Variants in NOTCH2NLB observed in about 807,000 individuals in gnomAD.
NOTCH2NLB encodes notch 2 N-terminal like B, also known as notch homolog 2 N-terminal-like protein B.
NOTCH2NLB carries 1 observed loss-of-function variant against 14.8 expected under a neutral mutation model. The observed-to-expected ratio is 0.07, with a 90% CI of 0.02 to 0.32. The LOEUF is 0.32. NOTCH2NLB is among the 10% of genes least tolerant of loss of function. The pLI is 1.00. For missense variants in NOTCH2NLB, 11 were observed against 155.0 expected (o/e 0.07, Z 4.93); for synonymous variants, 6 against 57.5 (o/e 0.10, Z 4.05).
intron 1 of NOTCH2NLB, among the ~76,000 whole-genome samples, chr1:148,670,547 T>TATAC (rs1431059868): frequency 1.3e-4 from 15 of 111,738 alleles, no homozygotes; most frequent in African/African-American, 4.9e-4. Context: ...AAAATATATA[T>TATAC]ATATACATAT....
At chr1:148,673,817 C>T (rs1664800799) in intron 1 of NOTCH2NLB, among the ~76,000 whole-genome samples, 1 of 135,828 alleles carries the variant, frequency 7.4e-6, no homozygotes, top group South Asian at 2.7e-4. Context: ...AAAACAAACA[C>T]TTTGATTTCC....
intron 2 of NOTCH2NLB, among the ~76,000 whole-genome samples, chr1:148,638,788 A>T (rs1190055319): frequency 6.7e-6 from 1 of 148,720 alleles, no homozygotes; most frequent in Non-Finnish European, 1.5e-5. Flanking sequence ...ATCTCACTGG[A>T]AAAAAGTTGT....
At chr1:148,679,790 C>A (rs1664901317), upstream of NOTCH2NLB, 4 of 375,382 alleles carry the variant, frequency 1.1e-5, 1 homozygote, top group Non-Finnish European at 1.6e-5. Flanking sequence ...GTGTGTCCTT[C>A]CGCCTCAGCC....
At chr1:148,634,390 TC>T (rs1401384928) in intron 2 of NOTCH2NLB, among the ~76,000 whole-genome samples, 7 of 143,152 alleles carry the variant, frequency 4.9e-5, no homozygotes, top group Admixed American at 6.9e-5. Context: ...CCCCTGTGCC[TC>T]CCTGAATGCA....
intron 1 of NOTCH2NLB, among the ~76,000 whole-genome samples, chr1:148,670,538 AAAT>A (rs1281626708): frequency 1.4e-5 from 1 of 73,764 alleles, no homozygotes; most frequent in African/African-American, 6.7e-5. Context: ...CTAAAAAAAA[AAAT>A]ATATATATAT....
intron 3 of NOTCH2NLB, among the ~76,000 whole-genome samples, chr1:148,612,000 TTCC>T (rs1663709864): frequency 6.6e-6 from 1 of 151,722 alleles, no homozygotes. Context: ...GTTGGACTTC[TTCC>T]ATTGTGAAAA....
intron 1 of NOTCH2NLB, among the ~76,000 whole-genome samples, chr1:148,661,439 A>G (rs1664681582): frequency 1.3e-5 from 2 of 149,570 alleles, no homozygotes; most frequent in African/African-American, 4.9e-5. Context: ...TTAAAATATT[A>G]CCAAAGCCAT....
chr1:148,693,109 A>C, the NOTCH2NLB span, among the ~76,000 whole-genome samples: 168 of 64,638 alleles, frequency 2.6e-3, no homozygotes, highest in East Asian at 4.1e-3. Flanking sequence ...CCCACCATCC[A>C]TTCTTCCTCT....
rs1243602363 is a variant in NOTCH2NLB, at chr1:148,638,909, GGAAAA to G, written c.77+1102_77+1106del. On this transcript the variant is annotated intron_variant, in intron 2 of 4. Transcript: ENST00000593495. ...AAGAACTACTCCTCACAAAAATGAA[GGAAAA>G]GAAGAGAAATTTCATATTACCAAAT... 4.3e-4 allele frequency among the ~76,000 whole-genome samples: 60 copies of G among 140,872 alleles called. 3 individuals are homozygous for G. The highest frequency in any genetic ancestry group is 1.7e-4 in the Non-Finnish European group (11 of 64,860). 92.4% of individuals were successfully genotyped at this position (140,872 alleles called of 152,430 possible).
At chr1:148,602,278 A>AG (rs1663392074), downstream of NOTCH2NLB, among the ~76,000 whole-genome samples, 1 of 58,056 alleles carries the variant, frequency 1.7e-5, no homozygotes. Flanking sequence ...AAAAAAAAAA[A>AG]AAGAAAAGAA....
chr1:148,693,099 C>G, the NOTCH2NLB span, among the ~76,000 whole-genome samples: 11 of 116,454 alleles, frequency 9.4e-5, 1 homozygote, highest in African/African-American at 2.3e-4. Flanking sequence ...CCCCCCCCCC[C>G]CCACCATCCA....
intron 1 of NOTCH2NLB, among the ~76,000 whole-genome samples, chr1:148,670,553 CATATAT>C (rs1311446628): frequency 1.4e-4 from 15 of 104,244 alleles, no homozygotes; most frequent in Admixed American, 3.7e-4. Context: ...TATATATATA[CATATAT>C]ATATATATAT....
the NOTCH2NLB span, among the ~76,000 whole-genome samples, chr1:148,712,517 C>G: frequency 6.6e-6 from 1 of 152,304 alleles, no homozygotes; most frequent in Non-Finnish European, 1.5e-5. Context: ...AGATGGGCTC[C>G]CAGGGCACTC....
intron 1 of NOTCH2NLB, among the ~76,000 whole-genome samples, chr1:148,645,530 G>A (rs1353092743): frequency 1.4e-4 from 20 of 146,992 alleles, no homozygotes; most frequent in South Asian, 4.4e-4. Flanking sequence ...CTTACCTTAC[G>A]TGCCCAGTAT....
At chr1:148,638,286 T>A (rs1664261493) in intron 2 of NOTCH2NLB, among the ~76,000 whole-genome samples, 2 of 149,168 alleles carry the variant, frequency 1.3e-5, no homozygotes, top group Non-Finnish European at 3.0e-5. Flanking sequence ...TGCTGAACAA[T>A]AACTACACCA....
chr1:148,661,521 C>T (rs1354316392), intron 1 of NOTCH2NLB, among the ~76,000 whole-genome samples: 13 of 149,416 alleles, frequency 8.7e-5, no homozygotes, highest in Non-Finnish European at 1.4e-4. Flanking sequence ...AATTATAATA[C>T]ATATATAATT....
intron 2 of NOTCH2NLB, among the ~76,000 whole-genome samples, chr1:148,637,521 C>A (rs1267084509): frequency 1.4e-5 from 2 of 146,348 alleles, no homozygotes; most frequent in Non-Finnish European, 3.0e-5. Flanking sequence ...TCAAATAGAA[C>A]CAATTTGCCT....
Position 148,679,521 on chromosome 1 carries a change from C to T in NOTCH2NLB, c.-57G>A. The T allele has an allele frequency of 1.8e-6, 2 of 1,130,428 alleles. 1 individual carries two copies. The highest frequency in any genetic ancestry group is 2.3e-6 in the Non-Finnish European group (2 of 873,056). 70.0% of individuals were successfully genotyped at this position (1,130,428 alleles called of 1,614,324 possible). A position where few individuals can be genotyped will look rare whatever the true frequency, so the allele number is the denominator to read the frequency against. ...CAGCAGCGCCCACAGCAGAGCGGGGCGCAGGGCGGGCATCTTCTCGGTCGC... is the reference window on the plus strand; with the variant it reads ...CAGCAGCGCCCACAGCAGAGCGGGGTGCAGGGCGGGCATCTTCTCGGTCGC... On this transcript the variant is annotated 5_prime_UTR_variant, in exon 1 of 5. Coordinates refer to ENST00000593495, the Ensembl canonical transcript of NOTCH2NLB.
At chr1:148,607,691 C>CAGG in exon 4 of NOTCH2NLB, 1 of 1,328,080 alleles carries the variant, frequency 7.5e-7, no homozygotes, top group South Asian at 1.2e-5. Flanking sequence ...GGTACAGGTA[C>CAGG]TTCCATTTGC....
Sources: allele counts gnomAD v4.1 joint callset (sites outside exome capture counted in the v4.1 genomes callset), GRCh38; gene constraint gnomAD v4.1.1; transcripts MANE v1.5; gene names NCBI Gene and HGNC (gene_info 2026-07-23, HGNC 2026-07-21).